Variants in PAPPA observed in about 807,000 individuals in gnomAD.
PAPPA encodes pappalysin 1, also known as pappalysin-1.
A neutral mutation model predicts 164.0 loss-of-function variants in PAPPA; 60 were observed. That is an observed-to-expected ratio of 0.37 (90% CI 0.30 to 0.45). The LOEUF (loss-of-function observed/expected upper bound fraction) is 0.45, where lower values mean the gene tolerates loss of function less well. Among genes scored for constraint, PAPPA ranks in the 20% least tolerant of loss-of-function variants. The probability of loss-of-function intolerance (pLI) is 1.00; values close to 1 mark genes in which losing one functional copy is unlikely to be tolerated. For missense variants in PAPPA, 1,782 were observed against 2,087.3 expected (o/e 0.85, Z 2.85); for synonymous variants, 875 against 814.1 (o/e 1.07, Z -1.27).
At chr9:116,335,482 G>A (rs950927948) in intron 13 of PAPPA, among the ~76,000 whole-genome samples, 1 of 152,094 alleles carries the variant, frequency 6.6e-6, no homozygotes, top group Non-Finnish European at 1.5e-5. Flanking sequence ...CCTAACCAAG[G>A]GGGATAGAGT....
At chr9:116,304,093 G>A (rs1447524051) in intron 10 of PAPPA, among the ~76,000 whole-genome samples, 1 of 152,140 alleles carries the variant, frequency 6.6e-6, no homozygotes, top group South Asian at 2.1e-4. Flanking sequence ...AATGGCTAGG[G>A]TTCATCCTCC....
intron 1 of PAPPA, among the ~76,000 whole-genome samples, chr9:116,177,181 C>T (rs1843847304): frequency 6.6e-6 from 1 of 152,054 alleles, no homozygotes; most frequent in Non-Finnish European, 1.5e-5. Flanking sequence ...TATTGTACAC[C>T]ATGCACTTTG....
intron 21 of PAPPA, among the ~76,000 whole-genome samples, chr9:116,389,124 T>C (rs1392712096): frequency 1.4e-5 from 2 of 146,938 alleles, no homozygotes; most frequent in African/African-American, 5.0e-5. Context: ...GCAGCCAGAA[T>C]AATCCTTTTT....
At chr9:116,306,073 T>C (rs1220494221) in intron 10 of PAPPA, among the ~76,000 whole-genome samples, 2 of 152,186 alleles carry the variant, frequency 1.3e-5, no homozygotes, top group Non-Finnish European at 2.9e-5. Context: ...ATTTCCTCTT[T>C]ACAATTCAGT....
At chr9:116,379,736 A>G (rs1846703058) in intron 20 of PAPPA, among the ~76,000 whole-genome samples, 2 of 152,206 alleles carry the variant, frequency 1.3e-5, no homozygotes. Context: ...AAAATCCTGA[A>G]GAGCTATCAC....
chr9:116,230,123 C>A (rs765682482), intron 6 of PAPPA, among the ~76,000 whole-genome samples: 1 of 152,190 alleles, frequency 6.6e-6, no homozygotes, highest in Non-Finnish European at 1.5e-5. Context: ...GGAAACCCAG[C>A]AGCCTTGGGT....
At chr9:116,201,317 G>T (rs533415583) in intron 2 of PAPPA, among the ~76,000 whole-genome samples, 1 of 152,302 alleles carries the variant, frequency 6.6e-6, no homozygotes, top group African/African-American at 2.4e-5. Context: ...ATGGTCTGGT[G>T]TGTTCTGAAA....
intron 5 of PAPPA, among the ~76,000 whole-genome samples, chr9:116,221,399 A>T (rs1055433632): frequency 1.3e-5 from 2 of 152,228 alleles, no homozygotes; most frequent in Non-Finnish European, 2.9e-5. Flanking sequence ...CATGCTAATA[A>T]TTAGTTAATA....
chr9:116,339,963 T>C (rs965582938), intron 13 of PAPPA, among the ~76,000 whole-genome samples: 4 of 152,126 alleles, frequency 2.6e-5, no homozygotes, highest in African/African-American at 7.2e-5. Context: ...ATTAAACATA[T>C]AGATAAGAAG....
intron 9 of PAPPA, among the ~76,000 whole-genome samples, chr9:116,296,772 G>A (rs1052798925): frequency 8.5e-5 from 13 of 152,200 alleles, no homozygotes; most frequent in African/African-American, 3.1e-4. Flanking sequence ...AATTGTTCGT[G>A]TGGAATGTGC....
At chr9:116,320,306 G>A (rs1408491197) in intron 10 of PAPPA, among the ~76,000 whole-genome samples, 2 of 152,166 alleles carry the variant, frequency 1.3e-5, no homozygotes, top group African/African-American at 2.4e-5. Context: ...AATGCCTAAT[G>A]TGTTAGGGAC....
At chr9:116,285,171 C>CTTTTTTTTTTTTTTTTT in intron 9 of PAPPA, among the ~76,000 whole-genome samples, 62 of 89,476 alleles carry the variant, frequency 6.9e-4, no homozygotes, top group Middle Eastern at 8.1e-3. Flanking sequence ...TTCTTTCTTT[C>CTTTTTTTTTTTTTTTTT]TTTTTTTTTT....
intron 9 of PAPPA, among the ~76,000 whole-genome samples, chr9:116,299,254 T>A (rs929415219): frequency 6.6e-6 from 1 of 152,212 alleles, no homozygotes; most frequent in Non-Finnish European, 1.5e-5. Context: ...TCTCCCTTGC[T>A]TTCTTTTTAA....
intron 2 of PAPPA, among the ~76,000 whole-genome samples, chr9:116,191,401 T>G (rs1844040947): frequency 6.6e-6 from 1 of 152,216 alleles, no homozygotes; most frequent in South Asian, 2.1e-4. Flanking sequence ...GGTTGAGCAC[T>G]GCACAGTAAT....
chr9:116,249,960 T>C (rs1844840119), intron 7 of PAPPA, among the ~76,000 whole-genome samples: 1 of 152,024 alleles, frequency 6.6e-6, no homozygotes, highest in African/African-American at 2.4e-5. Context: ...TACATATGCA[T>C]GTTTGTATGC....
At chr9:116,325,291 A>G (rs1223193075) in intron 10 of PAPPA, among the ~76,000 whole-genome samples, 1 of 152,168 alleles carries the variant, frequency 6.6e-6, no homozygotes, top group African/African-American at 2.4e-5. Context: ...CTAAACTCCC[A>G]GACTATCAGG....
rs374132403 is a variant in PAPPA, at chr9:116,170,812, G to A, written c.415+16225G>A. Among the ~76,000 whole-genome samples, 12 of 151,682 alleles carry A rather than the reference G, an allele frequency of 7.9e-5. No individual in the cohort carries two copies. The East Asian group carries it at 2.3e-3, about 29-fold the overall frequency. On this transcript the variant is annotated intron_variant, in intron 1 of 21. Transcript: ENST00000328252. ...ATAAATGTAATCTTCCATTTACCAG[G>A]CTTTGTGCTAGGACTGGAGGAAGAG... is the stretch of plus-strand genomic sequence containing the variant.
chr9:116,343,230 T>A (rs1037642397), intron 13 of PAPPA, among the ~76,000 whole-genome samples: 14 of 152,182 alleles, frequency 9.2e-5, no homozygotes, highest in Non-Finnish European at 1.3e-4. Flanking sequence ...TGTTATTGAG[T>A]GCTTGCCTAA....
At chr9:116,358,798 C>T (rs1039045308) in intron 17 of PAPPA, among the ~76,000 whole-genome samples, 1 of 152,204 alleles carries the variant, frequency 6.6e-6, no homozygotes, top group African/African-American at 2.4e-5. Flanking sequence ...CTGACATTGG[C>T]AACCTTTGTG....
Sources: allele counts gnomAD v4.1 joint callset (sites outside exome capture counted in the v4.1 genomes callset), GRCh38; gene constraint gnomAD v4.1.1; transcripts MANE v1.5; gene names NCBI Gene and HGNC (gene_info 2026-07-23, HGNC 2026-07-21).